IMPA2: variants seen among roughly 807,000 people sequenced by gnomAD.
IMPA2 encodes the protein inositol monophosphatase 2.
IMPA2 carries 32 observed loss-of-function variants against 35.1 expected under a neutral mutation model. That is an observed-to-expected ratio of 0.91 (90% CI 0.69 to 1.23). IMPA2 has a LOEUF of 1.23. IMPA2 is among the 50% of genes most tolerant of loss of function. The pLI, the probability that IMPA2 is intolerant of heterozygous loss-of-function variation, is 0.00. For synonymous variants in IMPA2, 135 were observed against 160.6 expected, an observed-to-expected ratio of 0.84 and a Z score of 1.20; for missense variants, 334 against 387.6, an observed-to-expected ratio of 0.86 and a Z score of 1.16.
At chr18:12,006,596 G>A (rs1205984961) in intron 2 of IMPA2, among the ~76,000 whole-genome samples, 1 of 152,242 alleles carries the variant, frequency 6.6e-6, no homozygotes, top group East Asian at 1.9e-4. Flanking sequence ...TGGCTCAGAA[G>A]CCCCTGCTTA....
chr18:11,984,885 G>C (rs1391984417), intron 1 of IMPA2, among the ~76,000 whole-genome samples: 1 of 150,928 alleles, frequency 6.6e-6, no homozygotes. Context: ...GGAGAATGGC[G>C]TGAACCCGGG....
chr18:12,029,802 C>T lies in IMPA2; in HGVS notation c.752-541C>T, dbSNP rs117687989. 2.7e-4 allele frequency among the ~76,000 whole-genome samples: 41 copies of T among 152,356 alleles called. No individual in the cohort carries two copies. The East Asian group carries it at 7.9e-3, about 29-fold the overall frequency. ...GGCTCACGTATGTGCAAGCAGGTCT[C>T]CAGCCCATGCATCCAGAGCTGTTTC... On this transcript the variant is annotated intron_variant, in intron 7 of 7. Coordinates refer to ENST00000269159, the MANE Select transcript of IMPA2 (RefSeq NM_014214.3).
chr18:12,029,113 T>A, intron 7 of IMPA2, 120 bp downstream of exon 7: 1 of 770,434 alleles, frequency 1.3e-6, no homozygotes, highest in Non-Finnish European at 1.9e-6. Context: ...TTTCTGTTTT[T>A]TTTTTTTTTT....
Position 11,991,012 on chromosome 18 carries a change from T to C in IMPA2, c.97-8042T>C, listed in dbSNP as rs1906797695. Among the ~76,000 whole-genome samples the C allele has an allele frequency of 6.6e-6, 1 of 152,136 alleles. No individual in the cohort carries two copies. The highest frequency in any genetic ancestry group is 1.5e-5 in the Non-Finnish European group (1 of 68,034). ...GCTCTGTAAGCTTGAGCTCAGGCCGTGGAGCTGGGCAGGGTGTGAGGTGGA... is the reference window on the plus strand; with the variant it reads ...GCTCTGTAAGCTTGAGCTCAGGCCGCGGAGCTGGGCAGGGTGTGAGGTGGA... On this transcript the variant is annotated intron_variant, in intron 1 of 7. Coordinates refer to ENST00000269159, the MANE Select transcript of IMPA2 (RefSeq NM_014214.3). The surrounding 1 kb of genome is among the most constrained non-coding windows in gnomAD (Gnocchi z 4.1).
chr18:12,017,600 GT>G, intron 5 of IMPA2: 1 of 431,198 alleles, frequency 2.3e-6, no homozygotes. Flanking sequence ...GTTTTGTTTT[GT>G]TTTTTGAAAC....
chr18:11,997,680 G>A (rs1390004073), intron 1 of IMPA2, among the ~76,000 whole-genome samples: 1 of 152,176 alleles, frequency 6.6e-6, no homozygotes, highest in African/African-American at 2.4e-5. Context: ...CCTGGCATGA[G>A]CGGGTCCTTG....
Position 12,010,016 on chromosome 18 carries a change from C to T in IMPA2, c.335+29C>T. The T allele has an allele frequency of 6.6e-7, 1 of 1,505,078 alleles. No individual in the cohort carries two copies. Among genetic ancestry groups the T allele is most frequent in the Non-Finnish European group, 9.2e-7 (1 of 1,082,722 alleles). 93.2% of individuals were successfully genotyped at this position (1,505,078 alleles called of 1,614,324 possible). A position where few individuals can be genotyped will look rare whatever the true frequency, so the allele number is the denominator to read the frequency against. Reference sequence around the variant, plus strand: ...AGCTGAGCAGGGATCGCCTCCATTGCAGGGCTTAACATGTCCTCTTCTGTG... The same window carrying T: ...AGCTGAGCAGGGATCGCCTCCATTGTAGGGCTTAACATGTCCTCTTCTGTG... On this transcript the variant is annotated intron_variant, in intron 3 of 7. Coordinates refer to ENST00000269159, the MANE Select transcript of IMPA2 (RefSeq NM_014214.3). The surrounding 1 kb of genome is among the most constrained non-coding windows in gnomAD (Gnocchi z 4.8).
chr18:12,000,089 C>CTTAG (rs1864807479), intron 2 of IMPA2, among the ~76,000 whole-genome samples: 1 of 152,176 alleles, frequency 6.6e-6, no homozygotes, highest in Non-Finnish European at 1.5e-5. Context: ...TTTAGATGGA[C>CTTAG]TTAGGTGGCA....
At chr18:12,015,214 G>A (rs1304995238) in intron 5 of IMPA2, among the ~76,000 whole-genome samples, 2 of 152,124 alleles carry the variant, frequency 1.3e-5, no homozygotes, top group East Asian at 1.9e-4. Flanking sequence ...TGTCTCTGGC[G>A]TGGACATCAT....
chr18:12,012,484 T>C (rs1032472798), intron 4 of IMPA2: 5 of 495,106 alleles, frequency 1.0e-5, no homozygotes, highest in African/African-American at 3.8e-5. Flanking sequence ...GACACTGCTG[T>C]GGAAGCGGAA....
chr18:11,991,732 A>G lies in IMPA2; in HGVS notation c.97-7322A>G, dbSNP rs1906819102. Among the ~76,000 whole-genome samples the G allele has an allele frequency of 6.6e-6, 1 of 152,216 alleles. No individual in the cohort carries two copies. Among genetic ancestry groups the G allele is most frequent in the African/African-American group, 2.4e-5 (1 of 41,462 alleles). ...ACCCCCTCTTACTTGGGGGAGGGTC[A>G]GCCTTTTCATTCTGTTTGGGCCCTC... On this transcript the variant is annotated intron_variant, in intron 1 of 7. Transcript: ENST00000269159. The surrounding 1 kb of genome is among the most constrained non-coding windows in gnomAD (Gnocchi z 4.1).
chr18:11,989,341 G>A (rs1906747873), intron 1 of IMPA2, among the ~76,000 whole-genome samples: 1 of 152,136 alleles, frequency 6.6e-6, no homozygotes, highest in Non-Finnish European at 1.5e-5. Context: ...AGGCGGTGGT[G>A]ATGGCCTCCA....
rs1428863812 is a variant in IMPA2 at position 11,981,534 on chromosome 18, A to G, written c.-136A>G. On this transcript the variant is annotated 5_prime_UTR_variant, in exon 1 of 8. Transcript: ENST00000269159. ...CCCTTCCCGCCAGCGCAGGTGTGGG[A>G]CGGGCGGCGGACTAGGCACAGAGCT... The G allele has an allele frequency of 3.9e-6, 2 of 512,120 alleles. No homozygotes were observed. The highest frequency in any genetic ancestry group is 1.0e-4 in the South Asian group (1 of 9,566). The allele number at this position is 512,120 out of a possible 1,614,324, so 31.7% of individuals were successfully genotyped here.
At chr18:12,025,118 G>A (rs1019081540) in intron 5 of IMPA2, among the ~76,000 whole-genome samples, 6 of 142,290 alleles carry the variant, frequency 4.2e-5, no homozygotes, top group Non-Finnish European at 8.1e-5. Context: ...ATGTCATGGA[G>A]TTGGAATCAT....
chr18:12,018,183 C>G (rs1431847368), intron 5 of IMPA2: 1 of 152,818 alleles, frequency 6.5e-6, no homozygotes, highest in Admixed American at 6.5e-5. Context: ...TCAGGTGATC[C>G]ACCCGCCCGG....
chr18:12,009,468 TGAC>T (rs1907372675), intron 2 of IMPA2, among the ~76,000 whole-genome samples: 2 of 152,126 alleles, frequency 1.3e-5, no homozygotes, highest in Non-Finnish European at 2.9e-5. Context: ...GTATCAGCAT[TGAC>T]TGGGAGAATC....
At chr18:12,011,680 T>C (rs1430828129) in intron 3 of IMPA2, among the ~76,000 whole-genome samples, 3 of 152,238 alleles carry the variant, frequency 2.0e-5, no homozygotes, top group Non-Finnish European at 4.4e-5. Flanking sequence ...TCTGCAGCCG[T>C]GGCTGTCCCT....
At chr18:11,990,031 T>G (rs1906770048) in intron 1 of IMPA2, among the ~76,000 whole-genome samples, 3 of 152,260 alleles carry the variant, frequency 2.0e-5, no homozygotes, top group African/African-American at 7.2e-5. Context: ...TCTCCTGGCC[T>G]CCTCCTGGGC....
chr18:12,002,326 A>C (rs747690592), intron 2 of IMPA2, among the ~76,000 whole-genome samples: 2 of 152,200 alleles, frequency 1.3e-5, no homozygotes, highest in Non-Finnish European at 2.9e-5. Flanking sequence ...GTCTTTCATG[A>C]AATGATATTA....
Sources: gnomAD v4.1 joint callset for allele counts (sites outside exome capture counted in the v4.1 genomes callset) on GRCh38, gnomAD v4.1.1 for gene constraint, Gnocchi (gnomAD v3.1) non-coding constraint, MANE v1.5 for transcripts, NCBI Gene and HGNC (gene_info 2026-07-23, HGNC 2026-07-21) for gene names.